EPC1: variants seen among roughly 807,000 people sequenced by gnomAD.
The protein encoded by EPC1 is enhancer of polycomb 1, also known as enhancer of polycomb homolog 1.
In EPC1, 12 loss-of-function variants were observed where a neutral mutation model predicts 98.4. The observed-to-expected ratio is 0.12, with a 90% CI of 0.08 to 0.20. The LOEUF (loss-of-function observed/expected upper bound fraction) is 0.20. EPC1 is among the 10% of genes least tolerant of loss of function. The pLI, the probability that EPC1 is intolerant of heterozygous loss-of-function variation, is 1.00. For missense variants in EPC1, 729 were observed against 990.5 expected (o/e 0.74, Z 3.54); for synonymous variants, 357 against 363.9 (o/e 0.98, Z 0.21).
rs1838877628 is a variant in EPC1, at chr10:32,346,967, G to A, written c.-52C>T. ...TCTGGGGAAACGGCCCCGGCCAGCGGGATCATGGAGAACCGGGGGTTCGGT... is the reference window on the plus strand; with the variant it reads ...TCTGGGGAAACGGCCCCGGCCAGCGAGATCATGGAGAACCGGGGGTTCGGT... On this transcript the variant is annotated 5_prime_UTR_variant, in exon 1 of 14. Coordinates refer to ENST00000319778, the MANE Select transcript of EPC1 (RefSeq NM_001272004.3). 6.2e-7 allele frequency: 1 copy of A among 1,600,088 alleles called. No individual in the cohort carries two copies. The highest frequency in any genetic ancestry group is 8.5e-7 in the Non-Finnish European group (1 of 1,177,476).
chr10:32,293,525 C>A, intron 3 of EPC1, 67 bp downstream of exon 3: 1 of 1,462,118 alleles, frequency 6.8e-7, no homozygotes. Flanking sequence ...ATCTCACACT[C>A]TTTCCATACA....
chr10:32,376,867 C>CA (rs981922276), intron 1 of EPC1, among the ~76,000 whole-genome samples: 10 of 151,380 alleles, frequency 6.6e-5, no homozygotes, highest in South Asian at 6.2e-4. Context: ...TTTATGTGAC[C>CA]AAAAAAAATA....
intron 10 of EPC1, chr10:32,281,557 C>A (rs78658249): frequency 6.6e-6 from 1 of 152,194 alleles, no homozygotes; most frequent in African/African-American, 2.4e-5. Flanking sequence ...CGGGCACTCA[C>A]GCCGTAAGAG....
At chr10:32,340,650 T>C (rs1358980105) in intron 1 of EPC1, among the ~76,000 whole-genome samples, 1 of 152,068 alleles carries the variant, frequency 6.6e-6, no homozygotes, top group East Asian at 1.9e-4. Context: ...GGCAACATGG[T>C]GAATATTTAA....
At chr10:32,284,417 G>T in intron 10 of EPC1, 1 of 276,746 alleles carries the variant, frequency 3.6e-6, no homozygotes, top group Non-Finnish European at 6.7e-6. Context: ...TGAAAAATAT[G>T]ATAAATCTTG....
intron 2 of EPC1, among the ~76,000 whole-genome samples, chr10:32,304,102 T>C (rs1835734815): frequency 6.6e-6 from 1 of 152,248 alleles, no homozygotes; most frequent in South Asian, 2.1e-4. Flanking sequence ...TATTTGATTA[T>C]AATGTCAGGA....
Position 32,292,591 on chromosome 10 carries a change from A to G in EPC1, c.720T>C (p.Asp240=), listed in dbSNP as rs1834915163. Residue 240 remains aspartate, a synonymous_variant, in exon 5 of 14, where the codon GAT becomes GAC. Transcript: ENST00000319778. Reference sequence around the variant, plus strand: ...CTAGAATAGTAACAGCTCGACTTAGATCTCGTCGCAGCTTAAGCATTTTTT... The same window carrying G: ...CTAGAATAGTAACAGCTCGACTTAGGTCTCGTCGCAGCTTAAGCATTTTTT... ...SYEKMLKLRR[D]LSRAVTILEM... 5 of 1,606,624 alleles carry G rather than the reference A, an allele frequency of 3.1e-6. No individual in the cohort carries two copies. Among genetic ancestry groups the G allele is most frequent in the African/African-American group, 1.3e-5 (1 of 74,454 alleles).
At chr10:32,343,497 CA>C (rs1838512926) in intron 1 of EPC1, among the ~76,000 whole-genome samples, 2 of 152,248 alleles carry the variant, frequency 1.3e-5, no homozygotes, top group Non-Finnish European at 2.9e-5. Context: ...AGGCGTGAGC[CA>C]CCGCATCCTG....
At chr10:32,350,255 C>T (rs1434440155), upstream of EPC1, among the ~76,000 whole-genome samples, 3 of 152,192 alleles carry the variant, frequency 2.0e-5, no homozygotes, top group Non-Finnish European at 2.9e-5. Context: ...AGGTAACACA[C>T]AGTACTGTCA....
intron 9 of EPC1, chr10:32,285,401 TA>T (rs1414647593): frequency 4.6e-6 from 1 of 216,124 alleles, no homozygotes; most frequent in Non-Finnish European, 9.2e-6. Flanking sequence ...AAAAACATAG[TA>T]TACCATTAAC....
At chr10:32,350,429 A>T (rs565730163), upstream of EPC1, among the ~76,000 whole-genome samples, 71 of 152,326 alleles carry the variant, frequency 4.7e-4, no homozygotes, top group Admixed American at 1.0e-3. Flanking sequence ...TCTGATTCTG[A>T]AGGATGGCTA....
At chr10:32,340,663 A>G (rs137872329) in intron 1 of EPC1, among the ~76,000 whole-genome samples, 171 of 152,296 alleles carry the variant, frequency 1.1e-3, no homozygotes, top group African/African-American at 4.0e-3. Context: ...ATATTTAAAA[A>G]TAAAAATAGA....
chr10:32,306,857 AACAC>A (rs3029539), intron 1 of EPC1, among the ~76,000 whole-genome samples: 89,497 of 149,584 alleles, frequency 0.6, 28,319 homozygotes, highest in East Asian at 0.82. Flanking sequence ...ATTAAATTCA[AACAC>A]ACACACACAC....
intron 1 of EPC1, among the ~76,000 whole-genome samples, chr10:32,331,847 C>A (rs2132973792): frequency 6.6e-6 from 1 of 152,306 alleles, no homozygotes; most frequent in South Asian, 2.1e-4. Flanking sequence ...CAGCATTTCA[C>A]AAAACATTTT....
At position 32,292,527 on chromosome 10, in the gene EPC1, A is replaced by G. The variant is rs917116816; in HGVS notation, c.784T>C (p.Leu262=). Residue 262 remains leucine, a synonymous_variant, in exon 5 of 14, where the codon TTG becomes CTG. Transcript: ENST00000319778. Reference sequence around the variant, plus strand: ...TCCATAATTTCCAGTGTTAAGTGCAATAGCTCTCTTTTACTTTTTTCTCTT... The same window carrying G: ...TCCATAATTTCCAGTGTTAAGTGCAGTAGCTCTCTTTTACTTTTTTCTCTT... The part of the protein sequence containing the change: ...KRREKSKREL[L]HLTLEIMEKR... 3 of 1,598,256 alleles carry G rather than the reference A, an allele frequency of 1.9e-6. No homozygotes were observed. Among genetic ancestry groups the G allele is most frequent in the Admixed American group, 1.7e-5 (1 of 57,672 alleles).
intron 1 of EPC1, among the ~76,000 whole-genome samples, chr10:32,326,609 C>T (rs1837295546): frequency 6.6e-6 from 1 of 152,110 alleles, no homozygotes; most frequent in Non-Finnish European, 1.5e-5. Flanking sequence ...ATGCCACTGG[C>T]TTGAAGGCCA....
chr10:32,306,286 T>C (rs1014775377), intron 1 of EPC1, among the ~76,000 whole-genome samples: 5 of 152,214 alleles, frequency 3.3e-5, no homozygotes, highest in Non-Finnish European at 7.3e-5. Context: ...AAGTGGGCTA[T>C]GGTTAAAAAT....
At chr10:32,280,513 G>A (rs566298568) in intron 10 of EPC1, among the ~76,000 whole-genome samples, 1 of 150,330 alleles carries the variant, frequency 6.7e-6, no homozygotes, top group African/African-American at 2.5e-5. Flanking sequence ...GGCCGAAACG[G>A]GTGGATCACA....
intron 1 of EPC1, among the ~76,000 whole-genome samples, chr10:32,341,914 A>T (rs1176353728): frequency 6.6e-6 from 1 of 152,182 alleles, no homozygotes; most frequent in Non-Finnish European, 1.5e-5. Flanking sequence ...ACAAGTGTGA[A>T]CCTTCTCCCT....
Sources: allele counts gnomAD v4.1 joint callset (sites outside exome capture counted in the v4.1 genomes callset), GRCh38; gene constraint gnomAD v4.1.1; transcripts MANE v1.5; gene names NCBI Gene and HGNC (gene_info 2026-07-23, HGNC 2026-07-21).